Variants in PNPLA8 observed in about 807,000 individuals in gnomAD.
PNPLA8 encodes patatin like domain 8, phospholipase A2, also known as calcium-independent phospholipase A2-gamma.
Under a neutral mutation model 76.9 loss-of-function variants are expected in PNPLA8, and 39 were observed. The observed-to-expected ratio is 0.51, with a 90% CI of 0.39 to 0.66. The LOEUF (loss-of-function observed/expected upper bound fraction) is 0.66, where lower values mean the gene tolerates loss of function less well. Ranked by LOEUF, PNPLA8 falls within the 30% of genes least tolerant of loss-of-function variation. The pLI is 0.00. For missense variants in PNPLA8, 887 were observed against 918.0 expected (o/e 0.97, Z 0.44); for synonymous variants, 301 against 307.9 (o/e 0.98, Z 0.24).
chr7:108,526,709 C>T (rs1207846238), upstream of PNPLA8, among the ~76,000 whole-genome samples: 2 of 152,110 alleles, frequency 1.3e-5, no homozygotes, highest in Non-Finnish European at 2.9e-5. Context: ...ACATATATTA[C>T]TGTATTGGAA....
At chr7:108,479,584 G>T (rs1271515919) in intron 9 of PNPLA8, 1 of 613,264 alleles carries the variant, frequency 1.6e-6, no homozygotes, top group Non-Finnish European at 2.9e-6. Context: ...TTCCTATTAT[G>T]AAAGTTCTTT....
chr7:108,526,347 CGT>C, upstream of PNPLA8: 1 of 77,802 alleles, frequency 1.3e-5, no homozygotes, highest in Non-Finnish European at 2.6e-5. Flanking sequence ...CCGCGACAGA[CGT>C]GTGTGCGTGC....
chr7:108,473,765 T>G (rs1264686410), intron 10 of PNPLA8, among the ~76,000 whole-genome samples: 2 of 152,196 alleles, frequency 1.3e-5, no homozygotes, highest in East Asian at 1.9e-4. Context: ...ATGACAGTGG[T>G]GCAATCATGG....
At chr7:108,515,856 T>G (rs1306156477) in intron 2 of PNPLA8, among the ~76,000 whole-genome samples, 1 of 152,222 alleles carries the variant, frequency 6.6e-6, no homozygotes, top group African/African-American at 2.4e-5. Context: ...GCACAACACA[T>G]AATTTAATAT....
chr7:108,473,789 C>T (rs376814880), intron 10 of PNPLA8, among the ~76,000 whole-genome samples: 7 of 152,170 alleles, frequency 4.6e-5, no homozygotes, highest in African/African-American at 1.7e-4. Context: ...ACCGCAACCT[C>T]GAACTCCTGG....
At chr7:108,476,879 C>A (rs1860033427) in intron 10 of PNPLA8, among the ~76,000 whole-genome samples, 1 of 151,980 alleles carries the variant, frequency 6.6e-6, no homozygotes, top group South Asian at 2.1e-4. Context: ...GGGAACTAAG[C>A]CAGACACAGG....
At position 108,472,294 on chromosome 7, in the gene PNPLA8, T is replaced by G; in HGVS notation, c.*107A>C. On this transcript the variant is annotated 3_prime_UTR_variant, in exon 11 of 11. Coordinates refer to ENST00000257694, the MANE Select transcript of PNPLA8 (RefSeq NM_001256007.3). Reference sequence around the variant, plus strand: ...CCGTCTTTTTCAGGATTCTCCAGAATTCATACGTATTTCAAAGTTAACTCA... The same window carrying G: ...CCGTCTTTTTCAGGATTCTCCAGAAGTCATACGTATTTCAAAGTTAACTCA... 1 of 749,838 alleles carries G rather than the reference T, an allele frequency of 1.3e-6. No homozygotes were observed. Among genetic ancestry groups the G allele is most frequent in the Admixed American group, 3.0e-5 (1 of 32,984 alleles). The allele number at this position is 749,838 out of a possible 1,614,324, so 46.4% of individuals were successfully genotyped here. A position where few individuals can be genotyped will look rare whatever the true frequency, so the allele number is the denominator to read the frequency against.
intron 9 of PNPLA8, among the ~76,000 whole-genome samples, chr7:108,484,893 T>TC (rs1860635379): frequency 6.6e-6 from 1 of 152,172 alleles, no homozygotes; most frequent in Admixed American, 6.5e-5. Context: ...AAGCACTCAC[T>TC]ACATTTCTGT....
chr7:108,520,802 G>A (rs1416792680), intron 2 of PNPLA8, among the ~76,000 whole-genome samples: 2 of 152,018 alleles, frequency 1.3e-5, no homozygotes, highest in African/African-American at 4.8e-5. Context: ...ACTGTGTGAG[G>A]TAATGCATAT....
In PNPLA8 at chr7:108,493,432, C is replaced by T. The variant is rs112160076; in HGVS notation, c.1626-1965G>A. On this transcript the variant is annotated intron_variant, in intron 7 of 10. Coordinates refer to ENST00000257694, the MANE Select transcript of PNPLA8 (RefSeq NM_001256007.3). ...TTTTATATATATATATTTTTTGAGA[C>T]GGAGTCTCGCTCTGTCGCCCAGACT... Among the ~76,000 whole-genome samples the T allele has an allele frequency of 1.3e-3, 203 of 151,944 alleles. 1 individual carries two copies. Among genetic ancestry groups the T allele is most frequent in the African/African-American group, 4.6e-3 (191 of 41,502 alleles).
intron 5 of PNPLA8, among the ~76,000 whole-genome samples, chr7:108,499,967 C>A (rs1349457224): frequency 6.6e-6 from 1 of 152,170 alleles, no homozygotes; most frequent in African/African-American, 2.4e-5. Context: ...TGGTCCTGAG[C>A]ATTCTTTAAA....
At chr7:108,510,048 G>C (rs1240154806) in intron 4 of PNPLA8, among the ~76,000 whole-genome samples, 2 of 115,864 alleles carry the variant, frequency 1.7e-5, no homozygotes, top group African/African-American at 6.5e-5. Context: ...GAGGGGGGAG[G>C]GATAGCATTG....
chr7:108,486,655 G>A (rs17424206), intron 9 of PNPLA8, among the ~76,000 whole-genome samples: 42,492 of 151,952 alleles, frequency 0.28, 6,281 homozygotes, highest in African/African-American at 0.32. Context: ...GGAATAGCTG[G>A]CCATAACATT....
chr7:108,494,051 T>G (rs1404319753), intron 7 of PNPLA8, among the ~76,000 whole-genome samples: 2 of 152,078 alleles, frequency 1.3e-5, no homozygotes, highest in African/African-American at 4.8e-5. Context: ...GCTGGGACAT[T>G]TGGATTAACA....
At chr7:108,476,781 C>A (rs1241139500) in intron 10 of PNPLA8, among the ~76,000 whole-genome samples, 5 of 152,172 alleles carry the variant, frequency 3.3e-5, no homozygotes, top group African/African-American at 1.2e-4. Context: ...AGTATATACA[C>A]ACACACAAGA....
At chr7:108,524,153 T>C (rs1863926284) in intron 1 of PNPLA8, among the ~76,000 whole-genome samples, 1 of 152,194 alleles carries the variant, frequency 6.6e-6, no homozygotes, top group African/African-American at 2.4e-5. Flanking sequence ...ATTAGACGTA[T>C]TTACCAGATG....
chr7:108,522,637 G>A (rs754401846), intron 1 of PNPLA8, among the ~76,000 whole-genome samples: 6 of 152,092 alleles, frequency 3.9e-5, no homozygotes, highest in South Asian at 2.1e-4. Flanking sequence ...TCACGGGTGC[G>A]TCCTTAAACT....
chr7:108,500,781 T>G (rs987559773), intron 5 of PNPLA8, among the ~76,000 whole-genome samples: 3 of 152,082 alleles, frequency 2.0e-5, no homozygotes, highest in African/African-American at 7.2e-5. Flanking sequence ...TGGTAGTGCA[T>G]GCCTATAATC....
chr7:108,505,317 TA>T (rs1563967252), intron 4 of PNPLA8, among the ~76,000 whole-genome samples: 1 of 3,410 alleles, frequency 2.9e-4, no homozygotes, highest in African/African-American at 1.2e-3. Context: ...TATATATATA[TA>T]TATATATATA....
Sources: gnomAD v4.1 joint callset for allele counts (sites outside exome capture counted in the v4.1 genomes callset) on GRCh38, gnomAD v4.1.1 for gene constraint, MANE v1.5 for transcripts, NCBI Gene and HGNC (gene_info 2026-07-23, HGNC 2026-07-21) for gene names.